Variants in CBFA2T2 observed in about 807,000 individuals in gnomAD.
CBFA2T2 encodes protein CBFA2T2.
In CBFA2T2, 11 loss-of-function variants were observed where a neutral mutation model predicts 62.2. The ratio of observed to expected loss-of-function variants is 0.18; its 90% confidence interval spans 0.11 to 0.29. The LOEUF (loss-of-function observed/expected upper bound fraction) is 0.29. Among genes scored for constraint, CBFA2T2 ranks in the 10% least tolerant of loss-of-function variants. CBFA2T2 has a pLI of 1.00. For missense variants in CBFA2T2, 592 were observed against 774.1 expected (o/e 0.76, Z 2.79); for synonymous variants, 295 against 287.5 (o/e 1.03, Z -0.27).
chr20:33,502,594 G>A (rs559818183), intron 1 of CBFA2T2, among the ~76,000 whole-genome samples: 3 of 151,030 alleles, frequency 2.0e-5, no homozygotes, highest in South Asian at 4.2e-4. Flanking sequence ...TAGTAGAGAC[G>A]GGGTTTCACC....
At chr20:33,590,425 TG>T (rs147394273) in intron 1 of CBFA2T2, among the ~76,000 whole-genome samples, 2,008 of 152,192 alleles carry the variant, frequency 0.013, 41 homozygotes, top group African/African-American at 0.046. Flanking sequence ...CATCTAGCTT[TG>T]TTTTTTTTTC....
chr20:33,643,816 T>G (rs1473025333), intron 10 of CBFA2T2, among the ~76,000 whole-genome samples: 7 of 50,698 alleles, frequency 1.4e-4, no homozygotes, highest in Non-Finnish European at 2.6e-4. Flanking sequence ...TATATATATA[T>G]AGTATATAAT....
rs768371975 is a variant in CBFA2T2, at chr20:33,629,742, G to T, written c.1056G>T (p.Met352Ile). 13 of 1,613,708 alleles carry T rather than the reference G, an allele frequency of 8.1e-6. No homozygotes were observed. Among genetic ancestry groups the T allele is most frequent in the Non-Finnish European group, 1.1e-5 (13 of 1,179,926 alleles). ...AGGCGCTGAATTGCATTATGGAAAT[G>T]GTAGAGAAAACAAGGCGCTCTATGG... ...LDHALNCIME[M>I]VEKTRRSMAV... is the part of the protein sequence containing the mutation. The change falls in exon 8 of 11, where the codon ATG (methionine) becomes ATT (isoleucine). Residue 352 changes from methionine to isoleucine, a missense_variant. Coordinates refer to ENST00000342704, the MANE Select transcript of CBFA2T2 (RefSeq NM_001032999.3).
In CBFA2T2 at chr20:33,532,123, A is replaced by AGGTCTTGTCACCTTT. The variant is rs551867276; in HGVS notation, c.34+41824_34+41825insTCTTGTCACCTTTGG. On this transcript the variant is annotated intron_variant, in intron 1 of 10. Transcript: ENST00000342704. ...TTAGGTTTGGTTTCCAGACCTCTCT[A>AGGTCTTGTCACCTTT]GGCCTTGTCACCTTTGGCCTTATCC... Among the ~76,000 whole-genome samples the AGGTCTTGTCACCTTT allele has an allele frequency of 4.6e-5, 7 of 152,250 alleles. No individual in the cohort carries two copies. The South Asian group carries it at 1.5e-3, about 32-fold the overall frequency.
At position 33,623,144 on chromosome 20, in the gene CBFA2T2, G is replaced by A. The variant is rs752829594; in HGVS notation, c.540G>A (p.Leu180=). 2.5e-6 allele frequency: 4 copies of A among 1,614,138 alleles called. No individual in the cohort carries two copies. The highest frequency in any genetic ancestry group is 3.4e-6 in the Non-Finnish European group (4 of 1,180,060). The change falls in exon 5 of 11, where the codon CTG becomes CTA. Residue 180 remains leucine (L), a synonymous_variant. Coordinates refer to ENST00000342704, the MANE Select transcript of CBFA2T2 (RefSeq NM_001032999.3). ...ACCTGCCCCTGCTGCAGCGGGAACT[G>A]CTGCACTGCGCTCGGGCGGCCAAGC... ...KANLPLLQRE[L]LHCARAAKQT...
At chr20:33,626,034 G>A (rs747062247) in intron 6 of CBFA2T2, among the ~76,000 whole-genome samples, 46 of 152,114 alleles carry the variant, frequency 3.0e-4, no homozygotes, top group Non-Finnish European at 5.4e-4. Flanking sequence ...CCCAGAAGGC[G>A]GAGCTTGCAG....
chr20:33,630,947 A>C (rs2016424156), intron 8 of CBFA2T2, among the ~76,000 whole-genome samples: 1 of 152,198 alleles, frequency 6.6e-6, no homozygotes, highest in Non-Finnish European at 1.5e-5. Flanking sequence ...AATTACAACC[A>C]TTAGGTGGAA....
At chr20:33,525,998 T>C (rs2011875181) in intron 1 of CBFA2T2, among the ~76,000 whole-genome samples, 1 of 152,172 alleles carries the variant, frequency 6.6e-6, no homozygotes, top group Non-Finnish European at 1.5e-5. Context: ...GTGTTTTTTA[T>C]TGGTGATTGG....
At chr20:33,599,325 C>G (rs1281095173) in intron 1 of CBFA2T2, among the ~76,000 whole-genome samples, 1 of 152,122 alleles carries the variant, frequency 6.6e-6, no homozygotes, top group Non-Finnish European at 1.5e-5. Context: ...ACAACACAGC[C>G]AAGCCCATTT....
intron 1 of CBFA2T2, among the ~76,000 whole-genome samples, chr20:33,494,173 G>A (rs976684819): frequency 2.1e-5 from 3 of 145,144 alleles, no homozygotes; most frequent in African/African-American, 5.1e-5. Context: ...GAGCTACCGC[G>A]CCTGGCCTGA....
At chr20:33,534,751 CTTTTTTTTTTTTT>C (rs11167206) in intron 1 of CBFA2T2, among the ~76,000 whole-genome samples, 1 of 92,962 alleles carries the variant, frequency 1.1e-5, no homozygotes, top group African/African-American at 4.2e-5. Context: ...ATCTTTTTAG[CTTTTTTTTTTTTT>C]TTTTTTTTGA....
At chr20:33,593,579 G>A (rs1250058360) in intron 1 of CBFA2T2, among the ~76,000 whole-genome samples, 1 of 151,872 alleles carries the variant, frequency 6.6e-6, no homozygotes, top group East Asian at 2.0e-4. Flanking sequence ...TTTCACTAGA[G>A]ACGGGGTTTT....
intron 6 of CBFA2T2, among the ~76,000 whole-genome samples, chr20:33,625,411 C>A (rs2016184735): frequency 6.6e-6 from 1 of 151,998 alleles, no homozygotes. Flanking sequence ...CAGTTGAGTC[C>A]AGGAAGTCAA....
intron 1 of CBFA2T2, among the ~76,000 whole-genome samples, chr20:33,516,153 C>A (rs964371627): frequency 2.0e-5 from 3 of 151,698 alleles, no homozygotes; most frequent in African/African-American, 4.8e-5. Context: ...AAAATAAATT[C>A]AAAAAATGAA....
intron 1 of CBFA2T2, among the ~76,000 whole-genome samples, chr20:33,563,199 A>G (rs898135160): frequency 1.3e-5 from 2 of 152,278 alleles, no homozygotes; most frequent in Non-Finnish European, 2.9e-5. Context: ...TTTTGCTCCT[A>G]TGCTGTTTTC....
chr20:33,513,047 C>T (rs1007724794), intron 1 of CBFA2T2, among the ~76,000 whole-genome samples: 10 of 151,696 alleles, frequency 6.6e-5, no homozygotes, highest in Non-Finnish European at 1.3e-4. Flanking sequence ...CCACCGCACC[C>T]GGCCACGTAT....
At chr20:33,568,034 T>G (rs2146899555) in intron 1 of CBFA2T2, among the ~76,000 whole-genome samples, 1 of 152,326 alleles carries the variant, frequency 6.6e-6, no homozygotes, top group African/African-American at 2.4e-5. Flanking sequence ...TTCATTTGAT[T>G]GTGGTAGTTT....
chr20:33,644,549 G>A lies in CBFA2T2; in HGVS notation c.1691G>A (p.Cys564Tyr). Residue 564 changes from cysteine (C) to tyrosine (Y), a missense_variant, in exon 11 of 11, where the codon TGC becomes TAC. By Grantham distance (194) the Cys-to-Tyr change is radical. Coordinates refer to ENST00000342704, the MANE Select transcript of CBFA2T2 (RefSeq NM_001032999.3). ...GGCTCCTCTGCCAGGTCCGCCGACT[G>A]CAGCGTGCCCAGCCCAGCCCTCGAC... ...GRGSSARSAD[C>Y]SVPSPALDKT... The A allele has an allele frequency of 6.2e-7, 1 of 1,613,992 alleles. No individual in the cohort carries two copies. The highest frequency in any genetic ancestry group is 8.5e-7 in the Non-Finnish European group (1 of 1,179,960).
rs981516164 is a variant in CBFA2T2 at position 33,514,654 on chromosome 20, C to A, written c.34+24353C>A. Reference sequence around the variant, plus strand: ...GTTTTGAGCAGGAGGGTGACATTATCCCCTTTACCTTTTAAAGAGATTGCT... The same window carrying A: ...GTTTTGAGCAGGAGGGTGACATTATACCCTTTACCTTTTAAAGAGATTGCT... On this transcript the variant is annotated intron_variant, in intron 1 of 10. Coordinates refer to ENST00000342704, the MANE Select transcript of CBFA2T2 (RefSeq NM_001032999.3). 2.6e-5 allele frequency among the ~76,000 whole-genome samples: 4 copies of A among 151,686 alleles called. No individual in the cohort carries two copies. In the South Asian group the frequency reaches 8.4e-4, roughly 32 times the overall value.
Sources: gnomAD v4.1 joint callset for allele counts (sites outside exome capture counted in the v4.1 genomes callset) on GRCh38, gnomAD v4.1.1 for gene constraint, MANE v1.5 for transcripts, NCBI Gene and HGNC (gene_info 2026-07-23, HGNC 2026-07-21) for gene names.